Variants in TRAK1 observed in about 807,000 individuals in gnomAD.
TRAK1 encodes the protein trafficking kinesin protein 1, also known as trafficking kinesin-binding protein 1.
In TRAK1, 33 loss-of-function variants were observed where a neutral mutation model predicts 92.1. The observed-to-expected ratio is 0.36, with a 90% confidence interval of 0.27 to 0.48. The LOEUF is 0.48. Ranked by LOEUF, TRAK1 falls within the 20% of genes least tolerant of loss-of-function variation. TRAK1 has a pLI of 0.99. For missense variants in TRAK1, 1,123 were observed against 1,257.9 expected (o/e 0.89, Z 1.62); for synonymous variants, 521 against 517.3 (o/e 1.01, Z -0.10).
chr3:42,112,767 T>C (rs139949961), intron 1 of TRAK1, among the ~76,000 whole-genome samples: 24 of 150,924 alleles, frequency 1.6e-4, no homozygotes, highest in African/African-American at 5.8e-4. Flanking sequence ...CCAACTAATT[T>C]TTTGTTTGTT....
intron 2 of TRAK1, among the ~76,000 whole-genome samples, chr3:42,154,291 A>G (rs1486953242): frequency 8.0e-5 from 12 of 149,414 alleles, no homozygotes; most frequent in Non-Finnish European, 4.5e-5. Context: ...TCCTGCCTCA[A>G]CCTCCTGAGT....
intron 2 of TRAK1, among the ~76,000 whole-genome samples, chr3:42,142,824 C>T (rs9852931): frequency 9.9e-4 from 150 of 152,254 alleles, no homozygotes; most frequent in African/African-American, 3.3e-3. Flanking sequence ...CTCTTCTAAC[C>T]GTTATTAACT....
At chr3:42,048,733 T>G (rs1325099947) in intron 1 of TRAK1, among the ~76,000 whole-genome samples, 1 of 151,948 alleles carries the variant, frequency 6.6e-6, no homozygotes. Context: ...CACAACAATT[T>G]TTGTATTTTT....
chr3:42,019,411 C>T (rs894046840), intron 1 of TRAK1, among the ~76,000 whole-genome samples: 4 of 152,118 alleles, frequency 2.6e-5, no homozygotes, highest in South Asian at 2.1e-4. Flanking sequence ...GAGTAGCATG[C>T]GTGCTGCCAC....
chr3:42,211,115 C>T (rs1708980054), intron 14 of TRAK1: 2 of 985,156 alleles, frequency 2.0e-6, no homozygotes, highest in Admixed American at 6.2e-5. Flanking sequence ...GAGGATTCAC[C>T]AGGTTAGAAG....
At chr3:42,207,559 A>G (rs1475891270) in intron 13 of TRAK1, among the ~76,000 whole-genome samples, 2 of 152,198 alleles carry the variant, frequency 1.3e-5, no homozygotes, top group African/African-American at 4.8e-5. Context: ...CTATCTGTAA[A>G]GTATATAATC....
intron 1 of TRAK1, among the ~76,000 whole-genome samples, chr3:42,029,883 T>C (rs1702055047): frequency 6.6e-6 from 1 of 151,892 alleles, no homozygotes; most frequent in African/African-American, 2.4e-5. Context: ...CCAGCTTCTG[T>C]GTGGAGAGCC....
intron 2 of TRAK1, among the ~76,000 whole-genome samples, chr3:42,155,866 CT>C (rs1057206970): frequency 9.9e-5 from 15 of 152,116 alleles, no homozygotes; most frequent in African/African-American, 3.4e-4. Flanking sequence ...CAGGGTAGAG[CT>C]TTGGGAAGAT....
At chr3:42,039,762 T>C (rs1014984990) in intron 1 of TRAK1, among the ~76,000 whole-genome samples, 4 of 152,362 alleles carry the variant, frequency 2.6e-5, no homozygotes, top group Non-Finnish European at 5.9e-5. Flanking sequence ...AGAGTATATA[T>C]CTAGGACAAA....
intron 1 of TRAK1, among the ~76,000 whole-genome samples, chr3:42,015,365 C>A (rs1362875509): frequency 1.3e-5 from 2 of 152,092 alleles, no homozygotes; most frequent in Admixed American, 1.3e-4. Context: ...CCAGCACCAG[C>A]CGTTTCCTGT....
chr3:42,125,278 G>C (rs1332158938), intron 1 of TRAK1, 142 bp from the exon 2 acceptor site: 1 of 699,114 alleles, frequency 1.4e-6, no homozygotes, highest in Non-Finnish European at 2.3e-6. Context: ...ATTGGAAAAA[G>C]ACTCCTGATA....
upstream of TRAK1, among the ~76,000 whole-genome samples, chr3:42,086,448 G>C (rs1172076779): frequency 6.6e-6 from 1 of 151,864 alleles, no homozygotes; most frequent in Non-Finnish European, 1.5e-5. Context: ...TGGGATTACA[G>C]GTGCCCGCTA....
intron 2 of TRAK1, among the ~76,000 whole-genome samples, chr3:42,127,557 C>T (rs1030402679): frequency 6.6e-6 from 1 of 151,710 alleles, no homozygotes; most frequent in Non-Finnish European, 1.5e-5. Flanking sequence ...GATGGGGTCT[C>T]CCTATGTTGC....
chr3:42,198,901 G>A (rs1405144594), intron 10 of TRAK1, among the ~76,000 whole-genome samples: 4 of 152,072 alleles, frequency 2.6e-5, no homozygotes, highest in Admixed American at 2.6e-4. Context: ...TTTGGCCAAC[G>A]GAGCATAGGG....
At chr3:42,112,174 C>A (rs1215727803) in intron 1 of TRAK1, among the ~76,000 whole-genome samples, 2 of 117,414 alleles carry the variant, frequency 1.7e-5, no homozygotes, top group Admixed American at 2.3e-4. Context: ...CGTAGTCTTA[C>A]TCTGTCGCCC....
chr3:42,212,026 A>G (rs1709104134), intron 14 of TRAK1: 5 of 985,314 alleles, frequency 5.1e-6, no homozygotes, highest in Non-Finnish European at 4.8e-6. Flanking sequence ...AACTGGCTTC[A>G]GAGGGGAGAG....
At position 42,193,925 on chromosome 3, in the gene TRAK1, G is replaced by A. The variant is rs933150680; in HGVS notation, c.975+27G>A. On this transcript the variant is annotated intron_variant, in intron 9 of 15. Coordinates refer to ENST00000327628, the MANE Select transcript of TRAK1 (RefSeq NM_001042646.3). ...TGAGCACCTCTCCCTCATTCCTTCA[G>A]TGCCTCTGATTGCAGCCAAGGTGGA... 4 of 1,608,178 alleles carry A rather than the reference G, an allele frequency of 2.5e-6. No individual in the cohort carries two copies. In the African/African-American group the frequency reaches 5.4e-5, roughly 22 times the overall value.
At chr3:42,150,362 G>C (rs1299740573) in intron 2 of TRAK1, among the ~76,000 whole-genome samples, 2 of 152,062 alleles carry the variant, frequency 1.3e-5, no homozygotes, top group South Asian at 2.1e-4. Flanking sequence ...CAGTGGGCGG[G>C]GTCTCAGGTT....
intron 14 of TRAK1, chr3:42,210,560 T>G: frequency 1.8e-6 from 2 of 1,104,604 alleles, no homozygotes; most frequent in Non-Finnish European, 2.2e-6. Context: ...AATTGAGTGC[T>G]GGGTCATTCA....
Sources: gnomAD v4.1 joint callset for allele counts (sites outside exome capture counted in the v4.1 genomes callset) on GRCh38, gnomAD v4.1.1 for gene constraint, MANE v1.5 for transcripts, NCBI Gene and HGNC (gene_info 2026-07-23, HGNC 2026-07-21) for gene names.